MTSS1: variants seen among roughly 807,000 people sequenced by gnomAD.
MTSS1 encodes MTSS I-BAR domain containing 1, also known as protein MTSS 1.
Under a neutral mutation model 79.0 loss-of-function variants are expected in MTSS1, and 18 were observed. That is an observed-to-expected ratio of 0.23 (90% CI 0.16 to 0.34). The LOEUF (loss-of-function observed/expected upper bound fraction) is 0.34, where lower values mean the gene tolerates loss of function less well. MTSS1 is among the 10% of genes least tolerant of loss of function. The probability of loss-of-function intolerance (pLI) is 1.00; values close to 1 mark genes in which losing one functional copy is unlikely to be tolerated. For missense variants in MTSS1, 815 were observed against 986.2 expected (o/e 0.83, Z 2.33); for synonymous variants, 341 against 368.6 (o/e 0.93, Z 0.86).
intron 6 of MTSS1, chr8:124,580,442 A>T: frequency 8.3e-7 from 1 of 1,203,000 alleles, no homozygotes; most frequent in Non-Finnish European, 1.2e-6. Flanking sequence ...GATTGTTTTG[A>T]GCTGGTAGAA....
intron 3 of MTSS1, among the ~76,000 whole-genome samples, chr8:124,627,113 G>A (rs1466404359): frequency 6.6e-6 from 1 of 151,868 alleles, no homozygotes; most frequent in Non-Finnish European, 1.5e-5. Flanking sequence ...TGCCACCAGG[G>A]TCTCAAAAGA....
At chr8:124,574,023 C>T (rs1254355425) in intron 6 of MTSS1, among the ~76,000 whole-genome samples, 2 of 152,094 alleles carry the variant, frequency 1.3e-5, no homozygotes, top group East Asian at 1.9e-4. Context: ...GACAGAGTCT[C>T]GCTCTGTTGC....
At chr8:124,679,825 G>T (rs1488002371) in intron 3 of MTSS1, among the ~76,000 whole-genome samples, 2 of 152,206 alleles carry the variant, frequency 1.3e-5, no homozygotes, top group African/African-American at 4.8e-5. Context: ...AGCATAGAAA[G>T]CTGCCTAACT....
intron 3 of MTSS1, among the ~76,000 whole-genome samples, chr8:124,593,335 G>C (rs1015962449): frequency 1.3e-5 from 2 of 152,180 alleles, no homozygotes; most frequent in African/African-American, 4.8e-5. Flanking sequence ...TACTTTCCTG[G>C]AGCAAAATGT....
At chr8:124,656,427 C>T (rs528223055) in intron 3 of MTSS1, among the ~76,000 whole-genome samples, 1 of 149,828 alleles carries the variant, frequency 6.7e-6, no homozygotes, top group East Asian at 2.0e-4. Context: ...TACGATCTCT[C>T]TAAATTGCTA....
Position 124,710,748 on chromosome 8 carries a change from C to T in MTSS1, c.73-6557G>A, listed in dbSNP as rs77601641. On this transcript the variant is annotated intron_variant, in intron 1 of 13. Coordinates refer to ENST00000518547, the MANE Select transcript of MTSS1 (RefSeq NM_014751.6). ...TCCATAAATAATGCAGCAACTGCCT[C>T]TCCCAGCCCAGCGCCACTGGGACAG... Among the ~76,000 whole-genome samples the T allele has an allele frequency of 6.3e-3, 962 of 152,332 alleles. 4 individuals carry two copies. The highest frequency in any genetic ancestry group is 0.014 in the Middle Eastern group (4 of 294).
chr8:124,607,143 G>A (rs115219332), intron 3 of MTSS1, among the ~76,000 whole-genome samples: 2,344 of 152,310 alleles, frequency 0.015, 64 homozygotes, highest in African/African-American at 0.054. Flanking sequence ...CGCGTTCTAC[G>A]CTCGTAATAT....
At chr8:124,656,067 A>T (rs1820878957) in intron 3 of MTSS1, among the ~76,000 whole-genome samples, 1 of 152,250 alleles carries the variant, frequency 6.6e-6, no homozygotes, top group Non-Finnish European at 1.5e-5. Flanking sequence ...ATGTGTCTTG[A>T]GCATTGAATC....
chr8:124,661,825 C>T (rs559286272), intron 3 of MTSS1, among the ~76,000 whole-genome samples: 201 of 152,322 alleles, frequency 1.3e-3, no homozygotes, highest in African/African-American at 4.7e-3. Flanking sequence ...CATTCAGGAC[C>T]TGTCACACTG....
At chr8:124,590,471 A>G (rs1488089725) in intron 4 of MTSS1, among the ~76,000 whole-genome samples, 2 of 152,182 alleles carry the variant, frequency 1.3e-5, no homozygotes, top group Admixed American at 6.5e-5. Flanking sequence ...CTGGAGAAAG[A>G]GAAGAGTGAC....
chr8:124,593,142 C>T (rs1241002617), intron 3 of MTSS1, among the ~76,000 whole-genome samples: 1 of 152,228 alleles, frequency 6.6e-6, no homozygotes, highest in African/African-American at 2.4e-5. Flanking sequence ...ACACACTCTG[C>T]CCCGCCTTCT....
intron 3 of MTSS1, among the ~76,000 whole-genome samples, chr8:124,654,347 C>A (rs16899930): frequency 6.6e-6 from 1 of 152,050 alleles, no homozygotes; most frequent in African/African-American, 2.4e-5. Context: ...TTCCCTGGCA[C>A]GCAAAGCATC....
chr8:124,681,802 A>G (rs1444051119), intron 3 of MTSS1, among the ~76,000 whole-genome samples: 1 of 151,966 alleles, frequency 6.6e-6, no homozygotes, highest in Non-Finnish European at 1.5e-5. Flanking sequence ...CAACAAAATA[A>G]AACAAAACAA....
intron 3 of MTSS1, among the ~76,000 whole-genome samples, chr8:124,633,140 AT>A (rs1816325049): frequency 6.6e-6 from 1 of 151,514 alleles, no homozygotes; most frequent in African/African-American, 2.4e-5. Flanking sequence ...GTGAGACCCC[AT>A]CTGTATAAGA....
intron 3 of MTSS1, among the ~76,000 whole-genome samples, chr8:124,627,628 G>T (rs978296861): frequency 6.6e-6 from 1 of 152,224 alleles, no homozygotes; most frequent in Admixed American, 6.5e-5. Flanking sequence ...GAGCAGACAC[G>T]ATGGGATCAT....
intron 5 of MTSS1, among the ~76,000 whole-genome samples, chr8:124,586,212 C>T (rs1167139217): frequency 6.6e-6 from 1 of 152,168 alleles, no homozygotes. Flanking sequence ...TTGGCCAGCT[C>T]CCTTGCAGCC....
intron 1 of MTSS1, among the ~76,000 whole-genome samples, chr8:124,725,397 C>A (rs1245790439): frequency 6.6e-6 from 1 of 152,042 alleles, no homozygotes; most frequent in Non-Finnish European, 1.5e-5. Flanking sequence ...AAATTGACTC[C>A]CTTCCTGTGC....
intron 3 of MTSS1, among the ~76,000 whole-genome samples, chr8:124,671,505 T>C (rs994849128): frequency 2.6e-5 from 4 of 152,260 alleles, no homozygotes; most frequent in South Asian, 4.1e-4. Flanking sequence ...TACTCTAAAA[T>C]TGCATGGCGT....
chr8:124,692,820 T>C (rs1177712955), intron 3 of MTSS1, among the ~76,000 whole-genome samples: 1 of 152,100 alleles, frequency 6.6e-6, no homozygotes, highest in African/African-American at 2.4e-5. Context: ...AAGTGGAAGC[T>C]ACTGTTTGCA....
Sources: gnomAD v4.1 joint callset for allele counts (sites outside exome capture counted in the v4.1 genomes callset) on GRCh38, gnomAD v4.1.1 for gene constraint, MANE v1.5 for transcripts, NCBI Gene and HGNC (gene_info 2026-07-23, HGNC 2026-07-21) for gene names.